The following KCTD1 variants were observed in gnomAD, a reference collection of about 807,000 sequenced individuals.
KCTD1 encodes the protein BTB/POZ domain-containing protein KCTD1.
In KCTD1, 24 loss-of-function variants were observed where a neutral mutation model predicts 66.0. That is an observed-to-expected ratio of 0.36 (90% CI 0.26 to 0.51). KCTD1 has a LOEUF of 0.51. Ranked by LOEUF, KCTD1 falls within the 20% of genes least tolerant of loss-of-function variation. The pLI, the probability that KCTD1 is intolerant of heterozygous loss-of-function variation, is 0.95. For synonymous variants in KCTD1, 511 were observed against 517.2 expected (o/e 0.99, Z 0.16); for missense variants, 943 against 1,205.2 (o/e 0.78, Z 3.22).
chr18:26,525,746 G>A (rs1327904885), intron 1 of KCTD1, among the ~76,000 whole-genome samples: 2 of 152,152 alleles, frequency 1.3e-5, no homozygotes, highest in African/African-American at 4.8e-5. Flanking sequence ...CCTTGAGACA[G>A]GGTGTTGCTC....
At chr18:26,609,751 C>G (rs75583707) in intron 1 of KCTD1, among the ~76,000 whole-genome samples, 4 of 152,150 alleles carry the variant, frequency 2.6e-5, no homozygotes, top group African/African-American at 9.7e-5. Flanking sequence ...CCTTCAAATT[C>G]CAGAAAGAGC....
intron 3 of KCTD1, among the ~76,000 whole-genome samples, chr18:26,467,544 A>G (rs946733677): frequency 1.3e-5 from 2 of 150,540 alleles, no homozygotes; most frequent in African/African-American, 4.9e-5. Flanking sequence ...GGCCGGGCAC[A>G]ATGGCTCATG....
intron 1 of KCTD1, among the ~76,000 whole-genome samples, chr18:26,506,786 C>T (rs1379610017): frequency 1.3e-5 from 2 of 152,222 alleles, no homozygotes; most frequent in African/African-American, 2.4e-5. Flanking sequence ...TGGACCTGCA[C>T]AGTTCAATAT....
At chr18:26,609,173 T>C (rs553437398) in intron 1 of KCTD1, among the ~76,000 whole-genome samples, 2 of 152,308 alleles carry the variant, frequency 1.3e-5, no homozygotes, top group South Asian at 2.1e-4. Flanking sequence ...ACATCTAATA[T>C]AATGCAATGA....
intron 1 of KCTD1, among the ~76,000 whole-genome samples, chr18:26,618,335 T>C (rs915685236): frequency 2.6e-5 from 4 of 152,186 alleles, no homozygotes; most frequent in Non-Finnish European, 5.9e-5. Flanking sequence ...TGAATCAGCA[T>C]ATTTAGTGTT....
intron 1 of KCTD1, among the ~76,000 whole-genome samples, chr18:26,514,576 T>C (rs1460582755): frequency 7.3e-6 from 1 of 136,072 alleles, no homozygotes; most frequent in Non-Finnish European, 1.6e-5. Context: ...AAAAAAGAAA[T>C]GGCAGAGAGA....
At chr18:26,524,241 CA>C (rs1761067933) in intron 1 of KCTD1, among the ~76,000 whole-genome samples, 1 of 152,146 alleles carries the variant, frequency 6.6e-6, no homozygotes, top group Admixed American at 6.5e-5. Flanking sequence ...GGACCACATC[CA>C]CCCTTACTTA....
intron 2 of KCTD1, among the ~76,000 whole-genome samples, chr18:26,493,956 G>A: frequency 6.6e-6 from 1 of 152,174 alleles, no homozygotes; most frequent in East Asian, 1.9e-4. Flanking sequence ...GCTTACTGGT[G>A]GTTTACTTGT....
At chr18:26,508,508 C>T (rs1355358122) in intron 1 of KCTD1, among the ~76,000 whole-genome samples, 9 of 152,134 alleles carry the variant, frequency 5.9e-5, no homozygotes, top group East Asian at 1.9e-4. Context: ...TCTTATGTCA[C>T]GTTTCACTAT....
upstream of KCTD1, chr18:26,549,843 TC>T: frequency 1.0e-6 from 1 of 981,502 alleles, no homozygotes; most frequent in Non-Finnish European, 1.2e-6. Context: ...GGTCTCGCTT[TC>T]CCATAGGAGA....
chr18:26,456,103 T>TTTCA (rs1980074519), intron 4 of KCTD1: 3 of 549,398 alleles, frequency 5.5e-6, no homozygotes, highest in African/African-American at 3.8e-5. Flanking sequence ...AAAATGTGCC[T>TTTCA]TTCATGCTTG....
rs1467315521 is a variant in KCTD1, at chr18:26,555,486, A to G, written c.-15-54236T>C. The stretch of plus-strand genomic sequence containing the variant: ...CTTTTAAGAATGCAATTATTAGGCA[A>G]CGTCTTCAAAAGCCATGAAAATGTT... On this transcript the variant is annotated intron_variant, in intron 1 of 4. Transcript: ENST00000317932. 3.9e-5 allele frequency among the ~76,000 whole-genome samples: 6 copies of G among 152,262 alleles called. No individual in the cohort carries two copies. The South Asian group carries it at 1.2e-3, about 32-fold the overall frequency.
intron 1 of KCTD1, among the ~76,000 whole-genome samples, chr18:26,561,892 C>T (rs4555225): frequency 6.6e-6 from 1 of 151,998 alleles, no homozygotes. Flanking sequence ...CTGCTGAGGG[C>T]CTGGGGCTGC....
intron 1 of KCTD1, among the ~76,000 whole-genome samples, chr18:26,645,628 C>T (rs571965924): frequency 1.3e-5 from 2 of 152,250 alleles, no homozygotes; most frequent in East Asian, 3.9e-4. Context: ...AAACTCCTGA[C>T]CTTAAGCAAT....
upstream of KCTD1, among the ~76,000 whole-genome samples, chr18:26,643,697 T>C (rs1161867619): frequency 6.6e-6 from 1 of 152,112 alleles, no homozygotes; most frequent in Non-Finnish European, 1.5e-5. Flanking sequence ...GTGCGGTGGC[T>C]CACGCCTGTA....
At chr18:26,635,032 C>A (rs1987694787) in intron 1 of KCTD1, among the ~76,000 whole-genome samples, 1 of 152,160 alleles carries the variant, frequency 6.6e-6, no homozygotes, top group Non-Finnish European at 1.5e-5. Context: ...ACAAAAACAT[C>A]AAAAATTTTA....
upstream of KCTD1, among the ~76,000 whole-genome samples, chr18:26,629,607 C>A (rs772878871): frequency 2.9e-4 from 44 of 152,164 alleles, no homozygotes; most frequent in Non-Finnish European, 1.5e-4. Flanking sequence ...ATTTACATTG[C>A]AACCTCAAAG....
chr18:26,533,883 G>T (rs1244023873), intron 1 of KCTD1, among the ~76,000 whole-genome samples: 2 of 149,250 alleles, frequency 1.3e-5, no homozygotes, highest in Non-Finnish European at 3.0e-5. Context: ...TCATCTGGTT[G>T]TATGTGTTAG....
At chr18:26,603,697 T>G (rs1986949228) in intron 1 of KCTD1, among the ~76,000 whole-genome samples, 2 of 151,686 alleles carry the variant, frequency 1.3e-5, no homozygotes, top group Admixed American at 1.3e-4. Flanking sequence ...GGGCCGAGAT[T>G]GTGCCACTGC....
Sources: allele counts gnomAD v4.1 joint callset (sites outside exome capture counted in the v4.1 genomes callset), GRCh38; gene constraint gnomAD v4.1.1; transcripts MANE v1.5; gene names NCBI Gene and HGNC (gene_info 2026-07-23, HGNC 2026-07-21).